Variants in ERC2 observed in about 807,000 individuals in gnomAD.
The protein encoded by ERC2 is ERC protein 2.
A neutral mutation model predicts 114.8 loss-of-function variants in ERC2; 42 were observed. That is an observed-to-expected ratio of 0.37 (90% CI 0.29 to 0.47). ERC2 has a LOEUF of 0.47. Among genes scored for constraint, ERC2 ranks in the 20% least tolerant of loss-of-function variants. ERC2 has a pLI of 0.99. For synonymous variants in ERC2, 454 were observed against 425.5 expected (o/e 1.07, Z -0.82); for missense variants, 939 against 1,150.7 (o/e 0.82, Z 2.66).
At chr3:56,138,615 A>G (rs2080662944) in intron 6 of ERC2, among the ~76,000 whole-genome samples, 1 of 152,212 alleles carries the variant, frequency 6.6e-6, no homozygotes, top group African/African-American at 2.4e-5. Context: ...CTCCCCACAG[A>G]TGCTAAAATA....
intron 14 of ERC2, among the ~76,000 whole-genome samples, chr3:55,886,489 T>C (rs561820556): frequency 6.6e-6 from 1 of 152,348 alleles, no homozygotes; most frequent in Non-Finnish European, 1.5e-5. Context: ...GGAAACTTTC[T>C]CAAATAAACC....
At chr3:55,833,634 G>A in intron 14 of ERC2, among the ~76,000 whole-genome samples, 1 of 152,100 alleles carries the variant, frequency 6.6e-6, no homozygotes, top group Non-Finnish European at 1.5e-5. Flanking sequence ...AGGAACAACT[G>A]GTACCAACCA....
At chr3:56,454,213 G>C (rs1240434419) in intron 1 of ERC2, among the ~76,000 whole-genome samples, 1 of 152,160 alleles carries the variant, frequency 6.6e-6, no homozygotes, top group Non-Finnish European at 1.5e-5. Flanking sequence ...ACTCAATGTA[G>C]AGCAGTTTAA....
intron 3 of ERC2, among the ~76,000 whole-genome samples, chr3:56,203,269 TG>T (rs1286651946): frequency 6.6e-6 from 1 of 152,240 alleles, no homozygotes; most frequent in African/African-American, 2.4e-5. Flanking sequence ...AGATGGACAG[TG>T]GCCTGACAGC....
chr3:56,238,035 T>C (rs2051076730), intron 3 of ERC2, among the ~76,000 whole-genome samples: 1 of 152,206 alleles, frequency 6.6e-6, no homozygotes. Flanking sequence ...CCTCAATCTC[T>C]CTTAGACCTA....
intron 2 of ERC2, among the ~76,000 whole-genome samples, chr3:56,336,025 C>A (rs907260429): frequency 6.6e-6 from 1 of 152,094 alleles, no homozygotes; most frequent in Non-Finnish European, 1.5e-5. Flanking sequence ...GGCAGTTCAA[C>A]CTAGTGCACT....
At chr3:55,845,242 C>T (rs553748503) in intron 14 of ERC2, among the ~76,000 whole-genome samples, 3 of 152,270 alleles carry the variant, frequency 2.0e-5, no homozygotes, top group South Asian at 2.1e-4. Context: ...CGGTGGCTCA[C>T]GCCTGTAATC....
chr3:55,766,805 A>C (rs1166055657), intron 14 of ERC2: 1 of 152,252 alleles, frequency 6.6e-6, no homozygotes, highest in Non-Finnish European at 1.5e-5. Context: ...TGAAAGCCCA[A>C]ATGTCTGAGA....
At chr3:55,869,599 T>C (rs62256771) in intron 14 of ERC2, among the ~76,000 whole-genome samples, 14,534 of 152,124 alleles carry the variant, frequency 0.096, 780 homozygotes, top group South Asian at 0.16. Flanking sequence ...CTGAAAGCAT[T>C]CCTCAACCAC....
chr3:55,938,999 G>A (rs2066620132), intron 13 of ERC2, among the ~76,000 whole-genome samples: 1 of 152,150 alleles, frequency 6.6e-6, no homozygotes, highest in South Asian at 2.1e-4. Flanking sequence ...ATGTGAACTT[G>A]TAATTAGAAA....
At chr3:55,881,550 A>G (rs1177879489) in intron 14 of ERC2, among the ~76,000 whole-genome samples, 2 of 152,208 alleles carry the variant, frequency 1.3e-5, no homozygotes, top group African/African-American at 4.8e-5. Flanking sequence ...AAAAATATCA[A>G]TTAGGATGCC....
At chr3:55,768,243 T>C (rs1252453842) in intron 14 of ERC2, among the ~76,000 whole-genome samples, 1 of 152,186 alleles carries the variant, frequency 6.6e-6, no homozygotes, top group African/African-American at 2.4e-5. Flanking sequence ...AATGGACTAA[T>C]ACAGATGGAA....
At chr3:55,531,864 A>G (rs565452858) in intron 17 of ERC2, among the ~76,000 whole-genome samples, 2 of 152,352 alleles carry the variant, frequency 1.3e-5, no homozygotes, top group South Asian at 4.1e-4. Flanking sequence ...TTTAAGGCAC[A>G]TAGCAAACCT....
chr3:55,779,892 CTT>C (rs11342517), intron 14 of ERC2, among the ~76,000 whole-genome samples: 4 of 149,724 alleles, frequency 2.7e-5, no homozygotes, highest in African/African-American at 7.3e-5. Context: ...AAGTCTTAGT[CTT>C]TTTTTTTTGT....
intron 13 of ERC2, among the ~76,000 whole-genome samples, chr3:55,891,667 A>C (rs2063611059): frequency 6.6e-6 from 1 of 151,726 alleles, no homozygotes; most frequent in African/African-American, 2.4e-5. Context: ...GGATGGTCTG[A>C]GTCTCCTGAC....
chr3:56,324,832 A>G (rs2057285758), intron 2 of ERC2, among the ~76,000 whole-genome samples: 2 of 152,012 alleles, frequency 1.3e-5, no homozygotes, highest in South Asian at 2.1e-4. Flanking sequence ...CAAGCACTGC[A>G]GCCTCCTTGC....
At chr3:56,083,870 T>C (rs1037141816) in intron 6 of ERC2, among the ~76,000 whole-genome samples, 3 of 150,154 alleles carry the variant, frequency 2.0e-5, no homozygotes, top group Non-Finnish European at 4.4e-5. Flanking sequence ...GATATCAAAA[T>C]AACCGAACAA....
intron 17 of ERC2, among the ~76,000 whole-genome samples, chr3:55,659,964 C>T (rs2061051550): frequency 6.6e-6 from 1 of 152,094 alleles, no homozygotes; most frequent in Non-Finnish European, 1.5e-5. Flanking sequence ...ACTTATTATA[C>T]TATCCTGAAA....
chr3:55,510,170 C>T lies in ERC2; in HGVS notation c.*1146G>A, dbSNP rs1197855083. On this transcript the variant is annotated 3_prime_UTR_variant, in exon 18 of 18. Transcript: ENST00000288221. ...CATACATGTTGTGTAGAGCTATATA[C>T]AGAGACACAGCTTTTGTGATTGTTC... is the stretch of plus-strand genomic sequence containing the variant. The T allele has an allele frequency of 6.6e-6, 1 of 151,446 alleles. No individual in the cohort carries two copies. Among genetic ancestry groups the T allele is most frequent in the Non-Finnish European group, 1.5e-5 (1 of 67,798 alleles). The allele number at this position is 151,446 out of a possible 1,614,324, so 9.4% of individuals were successfully genotyped here.
Sources: gnomAD v4.1 joint callset for allele counts (sites outside exome capture counted in the v4.1 genomes callset) on GRCh38, gnomAD v4.1.1 for gene constraint, MANE v1.5 for transcripts, NCBI Gene and HGNC (gene_info 2026-07-23, HGNC 2026-07-21) for gene names.